The following PARVB variants were observed in gnomAD, a reference collection of about 807,000 sequenced individuals.
PARVB encodes parvin beta, also known as beta-parvin.
Under a neutral mutation model 47.0 loss-of-function variants are expected in PARVB, and 46 were observed. The ratio of observed to expected loss-of-function variants is 0.98; its 90% CI spans 0.77 to 1.25. The LOEUF is 1.25. Ranked by LOEUF, PARVB falls within the 50% of genes most tolerant of loss-of-function variation. The pLI is 0.00. For missense variants in PARVB, 473 were observed against 471.6 expected (o/e 1.00, Z -0.03); for synonymous variants, 196 against 196.3 (o/e 1.00, Z 0.01).
intron 6 of PARVB, 91 bp from the exon 7 acceptor site, chr22:44,136,369 T>A: frequency 8.9e-7 from 1 of 1,126,706 alleles, no homozygotes; most frequent in Non-Finnish European, 1.4e-6. Context: ...TCTAAGATGA[T>A]CTCCGGCCCC....
In PARVB at chr22:44,054,141, C is replaced by A. The variant is rs565084589; in HGVS notation, c.112+29690C>A. On this transcript the variant is annotated intron_variant, in intron 1 of 12. Transcript: ENST00000338758. ...TCTGGAGTGAGGGTCTCATTACTTA[C>A]AATCTGATGAGAGTCCTGCCTTGGG... Among the ~76,000 whole-genome samples, 136 of 152,224 alleles carry A rather than the reference C, an allele frequency of 8.9e-4. 3 individuals carry two copies. The highest frequency in any genetic ancestry group is 6.6e-3 in the South Asian group (32 of 4,814).
intron 1 of PARVB, among the ~76,000 whole-genome samples, chr22:44,073,466 C>T (rs906269506): frequency 3.3e-5 from 5 of 152,172 alleles, no homozygotes; most frequent in Admixed American, 1.3e-4. Flanking sequence ...TACACTCTAG[C>T]CTGGGCGACA....
chr22:44,165,081 C>T (rs867370759), intron 12 of PARVB, among the ~76,000 whole-genome samples: 30 of 152,168 alleles, frequency 2.0e-4, no homozygotes, highest in African/African-American at 7.2e-4. Flanking sequence ...CAACCTCTTC[C>T]TCTTGGGTTC....
rs191651019 is a variant in PARVB, at chr22:44,089,274, C to T, written c.113-4654C>T. On this transcript the variant is annotated intron_variant, in intron 1 of 12. Transcript: ENST00000338758. This position sits in a 1 kb window ranked among gnomAD's most constrained non-coding sequence, Gnocchi z 4.0. ...TGGGTTTCGTGTGGACAGAGACATT[C>T]ATCTTAGAACAATGCAGACACTTAG... The T allele has an allele frequency of 1.3e-5, 2 of 152,334 alleles. No homozygotes were observed. The highest frequency in any genetic ancestry group is 3.9e-4 in the East Asian group (2 of 5,176). The allele number at this position is 152,334 out of a possible 1,614,324, so 9.4% of individuals were successfully genotyped here.
At chr22:44,086,685 T>G in intron 1 of PARVB, 12 of 903,612 alleles carry the variant, frequency 1.3e-5, no homozygotes, top group Non-Finnish European at 1.6e-5. Flanking sequence ...TTAACTCCAC[T>G]GAGCTGCAAG....
intron 7 of PARVB, 191 bp from the exon 8 acceptor site, chr22:44,139,933 A>G: frequency 2.7e-6 from 1 of 366,864 alleles, no homozygotes; most frequent in Non-Finnish European, 5.0e-6. Flanking sequence ...TCACACAAGC[A>G]CCTCTCGTTT....
chr22:44,041,746 C>A (rs577245717), intron 1 of PARVB, among the ~76,000 whole-genome samples: 1 of 151,746 alleles, frequency 6.6e-6, no homozygotes, highest in Non-Finnish European at 1.5e-5. Context: ...AATAGCCAGG[C>A]GTGGTGGCCC....
rs1336276965 is a variant in PARVB, at chr22:44,089,957, C to T, written c.113-3971C>T. Among the ~76,000 whole-genome samples, 6 of 152,220 alleles carry T rather than the reference C, an allele frequency of 3.9e-5. No homozygotes were observed. Among genetic ancestry groups the T allele is most frequent in the African/African-American group, 1.4e-4 (6 of 41,472 alleles). On this transcript the variant is annotated intron_variant, in intron 1 of 12. Coordinates refer to ENST00000338758, the MANE Select transcript of PARVB (RefSeq NM_013327.5). This position sits in a 1 kb window ranked among gnomAD's most constrained non-coding sequence, Gnocchi z 4.0. ...CATGCTTCTCTGTGGAATAGGGGAC[C>T]TCGCCTGCCTTGTGGTCACTCTTCC...
At chr22:44,000,149 G>T (rs1269071101) in intron 2 of PARVB, among the ~76,000 whole-genome samples, 1 of 152,236 alleles carries the variant, frequency 6.6e-6, no homozygotes, top group African/African-American at 2.4e-5. Flanking sequence ...GGTGTATTCA[G>T]CAATAGATTC....
chr22:44,074,897 G>C, intron 1 of PARVB, among the ~76,000 whole-genome samples: 1 of 152,154 alleles, frequency 6.6e-6, no homozygotes, highest in South Asian at 2.1e-4. Flanking sequence ...GCAGAGGACG[G>C]AGGAGCCCAG....
intron 11 of PARVB, among the ~76,000 whole-genome samples, chr22:44,162,106 C>T (rs549676234): frequency 1.2e-4 from 18 of 152,220 alleles, no homozygotes; most frequent in Non-Finnish European, 2.4e-4. Context: ...GCAGGTCATT[C>T]GCCCCTTTGC....
At chr22:44,046,623 C>G (rs966655740) in intron 1 of PARVB, among the ~76,000 whole-genome samples, 1 of 152,222 alleles carries the variant, frequency 6.6e-6, no homozygotes, top group African/African-American at 2.4e-5. Context: ...CAGGCTGGCC[C>G]CGATGACATG....
In PARVB at chr22:44,095,507, A is replaced by G. The variant is rs1248790263; in HGVS notation, c.202+1490A>G. Among the ~76,000 whole-genome samples the G allele has an allele frequency of 5.4e-5, 8 of 146,794 alleles. No homozygotes were observed. The East Asian group carries it at 1.4e-3, about 25-fold the overall frequency. On this transcript the variant is annotated intron_variant, in intron 2 of 12. Transcript: ENST00000338758. ...TGACAGAGCGAGACATCTCAAAGTA[A>G]AAAAAAAAAAAAGAAAAAAAGAAAA... is the stretch of plus-strand genomic sequence containing the variant.
At chr22:44,124,761 G>A in intron 4 of PARVB, among the ~76,000 whole-genome samples, 1 of 152,204 alleles carries the variant, frequency 6.6e-6, no homozygotes, top group East Asian at 1.9e-4. Flanking sequence ...ACTCCCTCAG[G>A]GCAGGGCTGG....
chr22:44,095,081 G>A (rs934112887), intron 2 of PARVB, among the ~76,000 whole-genome samples: 9 of 145,728 alleles, frequency 6.2e-5, no homozygotes, highest in African/African-American at 2.0e-4. Flanking sequence ...TGGGCTCTGC[G>A]GCTCAGGCTC....
intron 1 of PARVB, among the ~76,000 whole-genome samples, chr22:44,088,042 C>T (rs1201946595): frequency 6.6e-6 from 1 of 152,082 alleles, no homozygotes; most frequent in Non-Finnish European, 1.5e-5. Flanking sequence ...TGTTAGGCCC[C>T]ACTTTACAGA....
intron 4 of PARVB, among the ~76,000 whole-genome samples, chr22:44,126,658 C>T (rs1480647689): frequency 6.6e-6 from 1 of 152,148 alleles, no homozygotes; most frequent in Non-Finnish European, 1.5e-5. Flanking sequence ...CTGGTGATGG[C>T]CCTCTGTTGA....
intron 1 of PARVB, among the ~76,000 whole-genome samples, chr22:44,040,128 G>A (rs748286675): frequency 1.6e-4 from 24 of 152,140 alleles, no homozygotes; most frequent in Non-Finnish European, 2.5e-4. Context: ...TTTGAGATAC[G>A]CAGGTGCAGC....
intron 1 of PARVB, among the ~76,000 whole-genome samples, chr22:44,051,540 C>G (rs1024158102): frequency 2.0e-5 from 3 of 152,162 alleles, no homozygotes; most frequent in African/African-American, 4.8e-5. Context: ...AAGGAGATAA[C>G]CACCCCAACC....
Sources: allele counts gnomAD v4.1 joint callset (sites outside exome capture counted in the v4.1 genomes callset), GRCh38; gene constraint gnomAD v4.1.1; non-coding constraint Gnocchi (gnomAD v3.1); transcripts MANE v1.5; gene names NCBI Gene and HGNC (gene_info 2026-07-23, HGNC 2026-07-21).